KANK4: variants seen among roughly 807,000 people sequenced by gnomAD.
KANK4 encodes the protein KN motif and ankyrin repeat domain-containing protein 4.
KANK4 carries 50 observed loss-of-function variants against 80.8 expected under a neutral mutation model. That is an observed-to-expected ratio of 0.62 (90% CI 0.49 to 0.78). The LOEUF is 0.78. Among genes scored for constraint, KANK4 ranks in the 30% least tolerant of loss-of-function variants. The probability of loss-of-function intolerance (pLI) is 0.00; values close to 1 mark genes in which losing one functional copy is unlikely to be tolerated. For missense variants in KANK4, 1,196 were observed against 1,240.1 expected, an observed-to-expected ratio of 0.96 and a Z score of 0.53; for synonymous variants, 465 against 506.9, an observed-to-expected ratio of 0.92 and a Z score of 1.11.
intron 8 of KANK4, among the ~76,000 whole-genome samples, chr1:62,251,602 G>A (rs150612151): frequency 2.8e-4 from 43 of 152,266 alleles, no homozygotes; most frequent in Admixed American, 3.3e-4. Flanking sequence ...GAGGGCCCCA[G>A]AAGATGAATA....
Position 62,274,616 on chromosome 1 carries a change from G to C in KANK4, c.488C>G (p.Ser163Cys). 18 of 1,614,140 alleles carry C rather than the reference G, an allele frequency of 1.1e-5. No individual in the cohort carries two copies. Among genetic ancestry groups the C allele is most frequent in the Non-Finnish European group, 1.5e-5 (18 of 1,180,022 alleles). The stretch of plus-strand genomic sequence containing the variant: ...GTGCAGCAGCGTGGCAGGCATGCTG[G>C]ATGCTCTCAAGAGCTGGGGCCGTCC... ...GSGRPQLLRA[S>C]SMPATLLHSR... The change falls in exon 3 of 10, where the codon TCC (serine) becomes TGC (cysteine). Residue 163 changes from serine (S) to cysteine (C), a missense_variant. Transcript: ENST00000371153.
chr1:62,252,984 T>A, intron 8 of KANK4, 83 bp downstream of exon 8: 12 of 1,500,804 alleles, frequency 8.0e-6, no homozygotes, highest in Non-Finnish European at 9.1e-6. Context: ...TGGATCTGCA[T>A]GGAATTTCTC....
At chr1:62,270,918 CCA>C (rs1195499122) in intron 4 of KANK4, among the ~76,000 whole-genome samples, 3 of 152,114 alleles carry the variant, frequency 2.0e-5, no homozygotes, top group Non-Finnish European at 4.4e-5. Context: ...TTTTTAATCT[CCA>C]CGACCGAGCA....
chr1:62,286,347 A>G (rs1402430055), intron 1 of KANK4, among the ~76,000 whole-genome samples: 6 of 152,244 alleles, frequency 3.9e-5, no homozygotes, highest in Admixed American at 3.9e-4. Flanking sequence ...GGACTTGGTC[A>G]GGTAATCCCT....
intron 4 of KANK4, among the ~76,000 whole-genome samples, chr1:62,269,372 C>A (rs1672105455): frequency 6.6e-6 from 1 of 152,158 alleles, no homozygotes; most frequent in African/African-American, 2.4e-5. Flanking sequence ...CTCCATTGAA[C>A]CCCCTAAGGA....
At chr1:62,308,027 G>A (rs1223301337) in intron 1 of KANK4, among the ~76,000 whole-genome samples, 1 of 151,936 alleles carries the variant, frequency 6.6e-6, no homozygotes, top group Non-Finnish European at 1.5e-5. Context: ...TGCTCACCCC[G>A]TATCCACCCT....
At chr1:62,297,374 G>A (rs977531721) in intron 1 of KANK4, among the ~76,000 whole-genome samples, 5 of 152,140 alleles carry the variant, frequency 3.3e-5, no homozygotes, top group Non-Finnish European at 7.3e-5. Flanking sequence ...ATATTAGGTA[G>A]GTGCTATTAT....
chr1:62,244,199 A>ATT (rs370676636), intron 9 of KANK4, among the ~76,000 whole-genome samples: 4 of 138,112 alleles, frequency 2.9e-5, no homozygotes, highest in African/African-American at 8.3e-5. Context: ...TTTATTTTTT[A>ATT]TTTTTTTTTT....
At chr1:62,281,439 G>A (rs2149151969) in intron 2 of KANK4, 110 bp downstream of exon 2, 1 of 1,310,682 alleles carries the variant, frequency 7.6e-7, no homozygotes, top group East Asian at 2.3e-5. Flanking sequence ...GCCTGTTTGA[G>A]GGATATCTCC....
chr1:62,244,193 T>C (rs918141958), intron 9 of KANK4, among the ~76,000 whole-genome samples: 7 of 148,496 alleles, frequency 4.7e-5, no homozygotes, highest in Non-Finnish European at 1.0e-4. Flanking sequence ...TGAGTGTTTA[T>C]TTTTTATTTT....
intron 9 of KANK4, 59 bp from the exon 10 acceptor site, chr1:62,238,440 G>A (rs1177872649): frequency 2.0e-6 from 3 of 1,488,522 alleles, no homozygotes; most frequent in South Asian, 1.2e-5. Flanking sequence ...CTGCCTGGGG[G>A]AGAAGGGCAA....
intron 4 of KANK4, among the ~76,000 whole-genome samples, chr1:62,269,197 ACT>A (rs1672100653): frequency 6.6e-6 from 1 of 152,060 alleles, no homozygotes; most frequent in African/African-American, 2.4e-5. Flanking sequence ...ATTATAAGTG[ACT>A]CTGTTGAGTT....
chr1:62,274,547 G>T lies in KANK4; in HGVS notation c.557C>A (p.Ala186Asp), dbSNP rs778663710. 1.2e-6 allele frequency: 2 copies of T among 1,614,104 alleles called. No individual in the cohort carries two copies. Among genetic ancestry groups the T allele is most frequent in the South Asian group, 2.2e-5 (2 of 91,074 alleles). ...CTGAAGGGGAGGGAGGGCAGGAGGG[G>T]CAGGGGGCCCCAGGCTCAGGCCTGG... ...EEPGLSLGPP[A>D]PPALPPLQGE... Residue 186 changes from alanine to aspartate, a missense_variant, in exon 3 of 10, where the codon GCC becomes GAC. This residue lies in a region of KANK4 where 1,154 missense variants were observed against 1,179.6 expected (regional missense o/e 0.98). Coordinates refer to ENST00000371153, the MANE Select transcript of KANK4 (RefSeq NM_181712.5).
intron 7 of KANK4, among the ~76,000 whole-genome samples, chr1:62,255,881 C>T (rs906626764): frequency 1.3e-5 from 2 of 152,184 alleles, no homozygotes; most frequent in Non-Finnish European, 2.9e-5. Context: ...AACTCTTGAG[C>T]TCAAGCCATC....
At chr1:62,276,642 T>A (rs1672321653) in intron 2 of KANK4, among the ~76,000 whole-genome samples, 1 of 152,040 alleles carries the variant, frequency 6.6e-6, no homozygotes, top group African/African-American at 2.4e-5. Context: ...CCGGGCATGG[T>A]GGCAGGCACC....
intron 6 of KANK4, 142 bp downstream of exon 6, chr1:62,266,590 C>T (rs1672026563): frequency 1.5e-6 from 1 of 646,034 alleles, no homozygotes; most frequent in Non-Finnish European, 2.8e-6. Flanking sequence ...TACTGCCTCA[C>T]ACTGTAAACT....
intron 2 of KANK4, among the ~76,000 whole-genome samples, chr1:62,276,255 T>G (rs1395903874): frequency 6.6e-6 from 1 of 152,184 alleles, no homozygotes; most frequent in East Asian, 1.9e-4. Flanking sequence ...TAGTCTTTGT[T>G]TCTTCAATAT....
At chr1:62,314,639 A>G (rs1021265990) in intron 1 of KANK4, among the ~76,000 whole-genome samples, 10 of 150,124 alleles carry the variant, frequency 6.7e-5, no homozygotes, top group African/African-American at 2.5e-4. Flanking sequence ...TACATACCAA[A>G]GGAAACTCTG....
At chr1:62,268,650 A>G in intron 4 of KANK4, 145 bp from the exon 5 acceptor site, 1 of 678,996 alleles carries the variant, frequency 1.5e-6, no homozygotes, top group Non-Finnish European at 2.6e-6. Context: ...GCAGGGTGAC[A>G]GGCTCCCAGG....
Sources: allele counts gnomAD v4.1 joint callset (sites outside exome capture counted in the v4.1 genomes callset), GRCh38; gene constraint gnomAD v4.1.1; regional missense constraint gnomAD v4.1.1; transcripts MANE v1.5; gene names NCBI Gene and HGNC (gene_info 2026-07-23, HGNC 2026-07-21).